Variants in FNIP2 observed in about 807,000 individuals in gnomAD.
The protein encoded by FNIP2 is folliculin interacting protein 2, also known as folliculin-interacting protein 2.
A neutral mutation model predicts 108.7 loss-of-function variants in FNIP2; 32 were observed. The observed-to-expected ratio is 0.29, with a 90% confidence interval of 0.22 to 0.40. The LOEUF is 0.40. FNIP2 is among the 10% of genes least tolerant of loss of function. The probability of loss-of-function intolerance (pLI) is 1.00; values close to 1 mark genes in which losing one functional copy is unlikely to be tolerated. For synonymous variants in FNIP2, 480 were observed against 496.7 expected (o/e 0.97, Z 0.45); for missense variants, 1,202 against 1,381.6 (o/e 0.87, Z 2.06).
intron 1 of FNIP2, among the ~76,000 whole-genome samples, chr4:158,785,644 A>G (rs924487815): frequency 3.3e-5 from 5 of 151,342 alleles, no homozygotes; most frequent in African/African-American, 1.2e-4. Context: ...CATGCTTCTT[A>G]ACTGTATTTA....
chr4:158,840,235 G>A (rs201361233), intron 7 of FNIP2, among the ~76,000 whole-genome samples: 1 of 152,130 alleles, frequency 6.6e-6, no homozygotes, highest in East Asian at 1.9e-4. Context: ...GCCAGGTCAG[G>A]GAGACAGATA....
intron 10 of FNIP2, among the ~76,000 whole-genome samples, chr4:158,860,653 A>T (rs951790855): frequency 1.2e-4 from 15 of 120,164 alleles, no homozygotes; most frequent in Middle Eastern, 9.8e-3. Context: ...TCTGGGTCCC[A>T]CTTTTTTTTT....
At position 158,801,565 on chromosome 4, in the gene FNIP2, C is replaced by T. The variant is rs73858585; in HGVS notation, c.108-24351C>T. ...GCTCTGCCACTGACAAACTGTATAC[C>T]TTGGGCCAGTTCCTTAACCTTCCTG... On this transcript the variant is annotated intron_variant, in intron 1 of 16. Transcript: ENST00000264433. Among the ~76,000 whole-genome samples the T allele has an allele frequency of 3.6e-3, 547 of 152,282 alleles. 2 individuals are homozygous for T. Among genetic ancestry groups the T allele is most frequent in the African/African-American group, 0.012 (518 of 41,544 alleles).
chr4:158,798,195 G>A (rs962842872), intron 1 of FNIP2, among the ~76,000 whole-genome samples: 3 of 152,080 alleles, frequency 2.0e-5, no homozygotes, highest in African/African-American at 7.2e-5. Context: ...CTCTTGAGTA[G>A]TTAGCATTAC....
intron 14 of FNIP2, among the ~76,000 whole-genome samples, chr4:158,883,287 G>A (rs1208074873): frequency 6.6e-6 from 1 of 152,018 alleles, no homozygotes; most frequent in Non-Finnish European, 1.5e-5. Flanking sequence ...TGTCGTCCAG[G>A]CTGGAGTGCA....
intron 14 of FNIP2, among the ~76,000 whole-genome samples, chr4:158,883,324 C>G (rs1464536694): frequency 6.6e-6 from 1 of 152,150 alleles, no homozygotes; most frequent in Non-Finnish European, 1.5e-5. Context: ...TCACTGCAAG[C>G]TCCGCCTCCT....
At chr4:158,846,890 A>G (rs1331082378) in intron 7 of FNIP2, among the ~76,000 whole-genome samples, 1 of 152,188 alleles carries the variant, frequency 6.6e-6, no homozygotes, top group Non-Finnish European at 1.5e-5. Context: ...AGAGGGTGGG[A>G]GGGTAGGCGA....
Position 158,907,704 on chromosome 4 carries a change from C to T in FNIP2, c.*3160C>T, listed in dbSNP as rs1395127990. 6.6e-6 allele frequency: 1 copy of T among 152,084 alleles called. No homozygotes were observed. The allele number at this position is 152,084 out of a possible 1,614,324, so 9.4% of individuals were successfully genotyped here. On this transcript the variant is annotated 3_prime_UTR_variant, in exon 17 of 17. Transcript: ENST00000264433. ...TCAGCTTCTCTTGGTAAATGTGAAC[C>T]ATTTGTTTTTTATTGTGCTTGGGGG...
At position 158,906,752 on chromosome 4, in the gene FNIP2, T is replaced by C. The variant is rs1729875254; in HGVS notation, c.*2208T>C. On this transcript the variant is annotated 3_prime_UTR_variant, in exon 17 of 17. Coordinates refer to ENST00000264433, the MANE Select transcript of FNIP2 (RefSeq NM_020840.3). ...CTGCTCTTTTATAATCCTTTAAATA[T>C]TTAACATTCAAGTTTTCTTTGTCTT... 1 of 152,130 alleles carries C rather than the reference T, an allele frequency of 6.6e-6. No individual in the cohort carries two copies. The highest frequency in any genetic ancestry group is 2.4e-5 in the African/African-American group (1 of 41,430). 9.4% of individuals were successfully genotyped at this position (152,130 alleles called of 1,614,324 possible). A position where few individuals can be genotyped will look rare whatever the true frequency, so the allele number is the denominator to read the frequency against.
chr4:158,836,811 CAAAAAAA>C (rs34469888), intron 7 of FNIP2, among the ~76,000 whole-genome samples: 10 of 39,580 alleles, frequency 2.5e-4, no homozygotes, highest in East Asian at 3.3e-3. Flanking sequence ...GACTCCGTCT[CAAAAAAA>C]AAAAAAAAAA....
intron 1 of FNIP2, among the ~76,000 whole-genome samples, chr4:158,811,648 G>A (rs1437937044): frequency 2.0e-5 from 3 of 149,722 alleles, no homozygotes; most frequent in Middle Eastern, 3.2e-3. Context: ...AGCTTGTGAA[G>A]CTTTGTTGAT....
At chr4:158,879,312 A>G (rs955492684) in intron 14 of FNIP2, among the ~76,000 whole-genome samples, 1 of 150,554 alleles carries the variant, frequency 6.6e-6, no homozygotes, top group Non-Finnish European at 1.5e-5. Flanking sequence ...GGAAATAGAA[A>G]TAAGTCAGCA....
At position 158,829,111 on chromosome 4, in the gene FNIP2, C is replaced by T. The variant is rs538873098; in HGVS notation, c.267C>T (p.Ala89=). 82 of 1,611,652 alleles carry T rather than the reference C, an allele frequency of 5.1e-5. No individual in the cohort carries two copies. In the South Asian group the frequency reaches 8.7e-4, roughly 17 times the overall value. ...AGGATGTTCCTATTAAAATATCAGC[C>T]AAGTGCTGCCAGGGAAGCAGCAGTG... ...KTEDVPIKIS[A]KCCQGSSSVS... The change falls in exon 3 of 17, where the codon GCC becomes GCT. Residue 89 remains alanine (A), a synonymous_variant. Coordinates refer to ENST00000264433, the MANE Select transcript of FNIP2 (RefSeq NM_020840.3).
At position 158,868,431 on chromosome 4, in the gene FNIP2, C is replaced by T; in HGVS notation, c.1795C>T (p.Pro599Ser). Reference protein sequence around the residue: ...ERHNPWPTGFPECPEGTDSRD... With the variant: ...ERHNPWPTGFSECPEGTDSRD... Reference sequence around the variant, plus strand: ...ACACAACCCCTGGCCGACAGGGTTTCCTGAGTGCCCAGAGGGCACTGACAG... The same window carrying T: ...ACACAACCCCTGGCCGACAGGGTTTTCTGAGTGCCCAGAGGGCACTGACAG... The change falls in exon 13 of 17, where the codon CCT becomes TCT. Residue 599 changes from proline to serine, a missense_variant. By Grantham distance (74) the Pro-to-Ser change is moderately conservative (BLOSUM62 -1). Transcript: ENST00000264433. The surrounding 1 kb of genome is among the most constrained non-coding windows in gnomAD (Gnocchi z 4.6). 1 of 1,614,018 alleles carries T rather than the reference C, an allele frequency of 6.2e-7. No homozygotes were observed. The highest frequency in any genetic ancestry group is 8.5e-7 in the Non-Finnish European group (1 of 1,179,888).
intron 2 of FNIP2, 128 bp downstream of exon 2, chr4:158,826,170 A>G: frequency 7.7e-7 from 1 of 1,299,206 alleles, no homozygotes; most frequent in Non-Finnish European, 1.0e-6. Flanking sequence ...TTCAGAAGAA[A>G]CATAAGCAAG....
At chr4:158,855,205 T>G (rs1321270288) in intron 8 of FNIP2, among the ~76,000 whole-genome samples, 1 of 152,188 alleles carries the variant, frequency 6.6e-6, no homozygotes, top group Non-Finnish European at 1.5e-5. Flanking sequence ...CTCATTAGAC[T>G]TCATCCGAAC....
At chr4:158,783,813 A>T (rs1776129543) in intron 1 of FNIP2, among the ~76,000 whole-genome samples, 1 of 152,196 alleles carries the variant, frequency 6.6e-6, no homozygotes, top group Admixed American at 6.5e-5. Context: ...GGACCAGTTC[A>T]GCTTCCTAGA....
At chr4:158,895,660 GTTAGAAATGAA>G (rs1281451085) in intron 15 of FNIP2, 79 bp from the exon 16 acceptor site, 1 of 791,534 alleles carries the variant, frequency 1.3e-6, no homozygotes, top group African/African-American at 1.7e-5. Context: ...AAGCTGTGTA[GTTAGAAATGAA>G]TTAAGAAAAT....
intron 16 of FNIP2, 27 bp downstream of exon 16, chr4:158,895,892 G>A: frequency 1.3e-6 from 2 of 1,515,362 alleles, no homozygotes; most frequent in Non-Finnish European, 1.8e-6. Flanking sequence ...GCCGTCACTT[G>A]TCCCTTTGAT....
Sources: gnomAD v4.1 joint callset for allele counts (sites outside exome capture counted in the v4.1 genomes callset) on GRCh38, gnomAD v4.1.1 for gene constraint, Gnocchi (gnomAD v3.1) non-coding constraint, MANE v1.5 for transcripts, NCBI Gene and HGNC (gene_info 2026-07-23, HGNC 2026-07-21) for gene names.